Variants in DOCK11 observed in about 807,000 individuals in gnomAD.
The protein encoded by DOCK11 is dedicator of cytokinesis protein 11.
A neutral mutation model predicts 169.1 loss-of-function variants in DOCK11; 70 were observed. The observed-to-expected ratio is 0.41, with a 90% CI of 0.34 to 0.51. DOCK11 has a LOEUF of 0.51. Ranked by LOEUF, DOCK11 falls within the 20% of genes least tolerant of loss-of-function variation. DOCK11 has a pLI of 0.10. For synonymous variants in DOCK11, 529 were observed against 541.3 expected, an observed-to-expected ratio of 0.98 and a Z score of 0.32; for missense variants, 1,166 against 1,538.8, an observed-to-expected ratio of 0.76 and a Z score of 4.05.
intron 50 of DOCK11, 91 bp downstream of exon 50, chrX:118,681,339 G>T: frequency 3.4e-6 from 3 of 884,420 alleles, no homozygotes; most frequent in Non-Finnish European, 4.6e-6. Flanking sequence ...GTAATTATGT[G>T]TTGGGCACTT....
At chrX:118,631,962 T>A (rs138753282) in intron 35 of DOCK11, among the ~76,000 whole-genome samples, 3 of 110,330 alleles carry the variant, frequency 2.7e-5, no homozygotes, top group African/African-American at 9.9e-5. Context: ...ACCATGACTG[T>A]TTTTGTTTTG....
intron 38 of DOCK11, among the ~76,000 whole-genome samples, chrX:118,640,852 G>A (rs1468648446): frequency 1.8e-5 from 2 of 112,026 alleles, no homozygotes. Flanking sequence ...GGAGTGCAGT[G>A]ACGTGATCTC....
At chrX:118,536,230 T>C (rs190141984) in intron 1 of DOCK11, among the ~76,000 whole-genome samples, 6 of 110,279 alleles carry the variant, frequency 5.4e-5, no homozygotes, top group Non-Finnish European at 1.1e-4. Flanking sequence ...CCCAGGGAGG[T>C]TGAGGCTGCA....
intron 23 of DOCK11, among the ~76,000 whole-genome samples, chrX:118,603,682 T>G (rs1329114848): frequency 8.9e-6 from 1 of 112,182 alleles, no homozygotes; most frequent in Non-Finnish European, 1.9e-5. Context: ...ACCATGGCCT[T>G]TATTTGTTTG....
chrX:118,560,796 C>T (rs2012881231), intron 6 of DOCK11, among the ~76,000 whole-genome samples: 1 of 111,279 alleles, frequency 9.0e-6, no homozygotes. Flanking sequence ...AAACAAATGG[C>T]ATAGTTCCAT....
chrX:118,664,809 A>G (rs1229768638), intron 45 of DOCK11, among the ~76,000 whole-genome samples: 1 of 111,533 alleles, frequency 9.0e-6, no homozygotes, highest in East Asian at 2.8e-4. Context: ...CCATGGGGGA[A>G]AAGTTCACAA....
chrX:118,540,981 C>T (rs2011972275), intron 1 of DOCK11, among the ~76,000 whole-genome samples: 1 of 111,657 alleles, frequency 9.0e-6, no homozygotes, highest in Admixed American at 9.5e-5. Flanking sequence ...TGAGACATGG[C>T]TCTGGTTGAA....
rs146320430 is a variant in DOCK11, at chrX:118,664,666, T to A, written c.5076+1874T>A. Among the ~76,000 whole-genome samples, 72 of 109,192 alleles carry A rather than the reference T, an allele frequency of 6.6e-4. No homozygotes were observed. In the East Asian group the frequency reaches 0.019, roughly 29 times the overall value. 94.8% of individuals were successfully genotyped at this position (109,192 alleles called of 115,157 possible). On this transcript the variant is annotated intron_variant, in intron 45 of 52. Coordinates refer to ENST00000276202, the MANE Select transcript of DOCK11 (RefSeq NM_144658.4). ...TCTCAAAAAAGAAAAAAAAAAGAAA[T>A]ATGAAACTGAATCTAAGGAGAGAGA...
intron 40 of DOCK11, among the ~76,000 whole-genome samples, chrX:118,648,099 TACA>T (rs1448749429): frequency 1.4e-5 from 1 of 73,239 alleles, no homozygotes; most frequent in African/African-American, 5.4e-5. Flanking sequence ...TGTAATATTA[TACA>T]ATATAATATA....
chrX:118,645,558 G>C (rs2015636073), intron 40 of DOCK11, among the ~76,000 whole-genome samples: 1 of 109,512 alleles, frequency 9.1e-6, no homozygotes, highest in Non-Finnish European at 1.9e-5. Context: ...GCCGGGCGTG[G>C]TGGCGGGTGC....
In DOCK11 at chrX:118,681,113, G is replaced by A; in HGVS notation, c.5727G>A (p.Gln1909=). The A allele has an allele frequency of 8.3e-7, 1 of 1,203,843 alleles. No individual in the cohort carries two copies. Among genetic ancestry groups the A allele is most frequent in the Non-Finnish European group, 1.1e-6 (1 of 891,946 alleles). The stretch of plus-strand genomic sequence containing the variant: ...GGATTCCTATTAACTGTGAACAGCA[G>A]ATTAATTTAAAACCAATTGATGTTG... ...KKRIPINCEQ[Q]INLKPIDVAT... is the part of the protein sequence containing the mutation. The change falls in exon 50 of 53, where the codon CAG becomes CAA. Residue 1909 remains glutamine, a synonymous_variant. Coordinates refer to ENST00000276202, the MANE Select transcript of DOCK11 (RefSeq NM_144658.4).
At position 118,649,088 on chromosome X, in the gene DOCK11, G is replaced by A; in HGVS notation, c.4542G>A (p.Glu1514=). Reference sequence around the variant, plus strand: ...ATCTTTTGATGAGAAACAACTTTGAGTATACCAAAAGGAAAACCTTTTTGA... The same window carrying A: ...ATCTTTTGATGAGAAACAACTTTGAATATACCAAAAGGAAAACCTTTTTGA... The part of the protein sequence containing the change: ...LLYLLMRNNF[E]YTKRKTFLRT... Residue 1514 remains glutamate (E), a synonymous_variant, in exon 41 of 53, where the codon GAG becomes GAA. Transcript: ENST00000276202. The A allele has an allele frequency of 8.3e-7, 1 of 1,197,901 alleles. No individual in the cohort carries two copies. The highest frequency in any genetic ancestry group is 1.1e-6 in the Non-Finnish European group (1 of 889,361).
chrX:118,547,137 G>A (rs1400857804), intron 6 of DOCK11, among the ~76,000 whole-genome samples: 1 of 111,627 alleles, frequency 9.0e-6, no homozygotes, highest in Non-Finnish European at 1.9e-5. Flanking sequence ...TGAGGATTCT[G>A]AGCAGAAAAA....
rs751303628 is a variant in DOCK11 at position 118,596,982 on chromosome X, G to T, written c.2264-449G>T. Reference sequence around the variant, plus strand: ...ATAAGAAATTTTGGAACATGTGATTGTTATCTGAAATAGTCTCAGCCGTGA... The same window carrying T: ...ATAAGAAATTTTGGAACATGTGATTTTTATCTGAAATAGTCTCAGCCGTGA... On this transcript the variant is annotated intron_variant, in intron 20 of 52. Coordinates refer to ENST00000276202, the MANE Select transcript of DOCK11 (RefSeq NM_144658.4). Among the ~76,000 whole-genome samples, 6 of 111,931 alleles carry T rather than the reference G, an allele frequency of 5.4e-5. No individual in the cohort carries two copies. In the South Asian group the frequency reaches 2.2e-3, roughly 41 times the overall value.
chrX:118,615,988 T>A (rs2014802514), intron 30 of DOCK11, among the ~76,000 whole-genome samples: 1 of 111,887 alleles, frequency 8.9e-6, no homozygotes, highest in Non-Finnish European at 1.9e-5. Context: ...GGATCTTGTA[T>A]GAGACTAAAT....
At chrX:118,500,769 C>T (rs1210822161) in intron 1 of DOCK11, among the ~76,000 whole-genome samples, 1 of 110,179 alleles carries the variant, frequency 9.1e-6, no homozygotes, top group Non-Finnish European at 1.9e-5. Context: ...TGCAGGCAAA[C>T]GCCACCGTGC....
At chrX:118,502,991 G>A (rs190870652) in intron 1 of DOCK11, among the ~76,000 whole-genome samples, 229 of 109,833 alleles carry the variant, frequency 2.1e-3, no homozygotes, top group Non-Finnish European at 3.8e-3. Context: ...GGGTAGGATG[G>A]ACTCATTGTT....
At position 118,524,746 on chromosome X, in the gene DOCK11, C is replaced by T. The variant is rs148686081; in HGVS notation, c.103-17979C>T. On this transcript the variant is annotated intron_variant, in intron 1 of 52. Transcript: ENST00000276202. The stretch of plus-strand genomic sequence containing the variant: ...ACTGGAAAATAAGTGTTGAGGAACA[C>T]GGGCGGGGCGGACCTGGAACCCTTG... Among the ~76,000 whole-genome samples, 95 of 111,443 alleles carry T rather than the reference C, an allele frequency of 8.5e-4. 1 individual carries two copies. In the East Asian group the frequency reaches 0.011, roughly 13 times the overall value.
chrX:118,550,458 A>G (rs1418366917), intron 6 of DOCK11, among the ~76,000 whole-genome samples: 1 of 111,679 alleles, frequency 9.0e-6, no homozygotes, highest in Non-Finnish European at 1.9e-5. Flanking sequence ...AAGTGTTTTA[A>G]CTGTTATTTA....
Sources: allele counts gnomAD v4.1 joint callset (sites outside exome capture counted in the v4.1 genomes callset), GRCh38; gene constraint gnomAD v4.1.1; transcripts MANE v1.5; gene names NCBI Gene and HGNC (gene_info 2026-07-23, HGNC 2026-07-21).